Variants in SSX2IP observed in about 807,000 individuals in gnomAD.
SSX2IP encodes the protein SSX family member 2 interacting protein.
In SSX2IP, 55 loss-of-function variants were observed where a neutral mutation model predicts 84.9. The observed-to-expected ratio is 0.65, with a 90% CI of 0.52 to 0.81. The LOEUF (loss-of-function observed/expected upper bound fraction) is 0.81. Ranked by LOEUF, SSX2IP falls within the 30% of genes least tolerant of loss-of-function variation. SSX2IP has a pLI of 0.00. For missense variants in SSX2IP, 664 were observed against 705.2 expected, an observed-to-expected ratio of 0.94 and a Z score of 0.66; for synonymous variants, 239 against 234.7, an observed-to-expected ratio of 1.02 and a Z score of -0.17.
chr1:84,676,317 T>G (rs775719747), intron 1 of SSX2IP, among the ~76,000 whole-genome samples: 1 of 152,202 alleles, frequency 6.6e-6, no homozygotes, highest in Non-Finnish European at 1.5e-5. Context: ...ATAAACTTCC[T>G]TGTTCAAAGT....
Position 84,656,554 on chromosome 1 carries a change from CT to C in SSX2IP, c.1079-71del, listed in dbSNP as rs1215624825. 2.2e-6 allele frequency: 3 copies of C among 1,347,754 alleles called. No homozygotes were observed. The African/African-American group carries it at 4.5e-5, about 20-fold the overall frequency. 83.5% of individuals were successfully genotyped at this position (1,347,754 alleles called of 1,614,324 possible). ...TTAGTTTACAGTGTTTTGCACATAT[CT>C]TTAAAACAAGGGCTCTCAGAACTTT... On this transcript the variant is annotated intron_variant, in intron 9 of 13. Transcript: ENST00000342203.
rs1460990002 is a variant in SSX2IP, at chr1:84,646,618, C to T, written c.*815G>A. On this transcript the variant is annotated 3_prime_UTR_variant, in exon 14 of 14. Transcript: ENST00000342203. ...ATTCAAAGGTACTTTTGTCGTCTTG[C>T]CCCTATTCTTCTATCATCAATAGTC... The T allele has an allele frequency of 6.6e-6, 1 of 152,406 alleles. No homozygotes were observed. Among genetic ancestry groups the T allele is most frequent in the Non-Finnish European group, 1.5e-5 (1 of 67,940 alleles). 9.4% of individuals were successfully genotyped at this position (152,406 alleles called of 1,614,324 possible). A position where few individuals can be genotyped will look rare whatever the true frequency, so the allele number is the denominator to read the frequency against.
At chr1:84,663,661 C>T (rs1652359228) in intron 6 of SSX2IP, among the ~76,000 whole-genome samples, 2 of 152,164 alleles carry the variant, frequency 1.3e-5, no homozygotes, top group African/African-American at 4.8e-5. Context: ...CGCTCATCGC[C>T]TGTTTTTCAA....
chr1:84,657,013 C>T (rs1433187559), intron 9 of SSX2IP, among the ~76,000 whole-genome samples: 3 of 152,108 alleles, frequency 2.0e-5, no homozygotes, highest in African/African-American at 7.2e-5. Flanking sequence ...TGAACAAAAT[C>T]TCATGTAGAT....
chr1:84,682,296 G>C (rs761234241), intron 1 of SSX2IP, among the ~76,000 whole-genome samples: 3 of 152,158 alleles, frequency 2.0e-5, no homozygotes, highest in Non-Finnish European at 4.4e-5. Context: ...GGACTGAGTA[G>C]CATCAGAGGC....
intron 6 of SSX2IP, 83 bp from the exon 7 acceptor site, chr1:84,662,613 G>A (rs1652191416): frequency 4.1e-6 from 6 of 1,465,550 alleles, no homozygotes; most frequent in Admixed American, 2.0e-5. Flanking sequence ...ACACGTAAGT[G>A]GTGAAAGTGA....
At chr1:84,656,566 G>A (rs1004736228) in intron 9 of SSX2IP, 82 bp from the exon 10 acceptor site, 10 of 1,248,014 alleles carry the variant, frequency 8.0e-6, no homozygotes, top group Non-Finnish European at 8.4e-6. Context: ...TTAAAACAAG[G>A]GCTCTCAGAA....
chr1:84,655,608 C>T, intron 11 of SSX2IP: 1 of 1,487,054 alleles, frequency 6.7e-7, no homozygotes, highest in Non-Finnish European at 8.9e-7. Flanking sequence ...GTAATAAATG[C>T]TTATAGCGTT....
rs1483195412 is a variant in SSX2IP at position 84,644,950 on chromosome 1, C to G, written c.*2483G>C. The G allele has an allele frequency of 6.6e-6, 1 of 152,176 alleles. No individual in the cohort carries two copies. The highest frequency in any genetic ancestry group is 6.5e-5 in the Admixed American group (1 of 15,270). The allele number at this position is 152,176 out of a possible 1,614,324, so 9.4% of individuals were successfully genotyped here. A position where few individuals can be genotyped will look rare whatever the true frequency, so the allele number is the denominator to read the frequency against. On this transcript the variant is annotated 3_prime_UTR_variant, in exon 14 of 14. Transcript: ENST00000342203. ...TAGTCATAATTTCATTGTTTCTCATCATAGACTGCAGATGCAAACATTTAA... is the reference window on the plus strand; with the variant it reads ...TAGTCATAATTTCATTGTTTCTCATGATAGACTGCAGATGCAAACATTTAA...
intron 1 of SSX2IP, among the ~76,000 whole-genome samples, chr1:84,689,080 G>C (rs1259576741): frequency 2.0e-5 from 3 of 152,192 alleles, no homozygotes; most frequent in African/African-American, 7.2e-5. Flanking sequence ...AGCTTCCTAA[G>C]CCTGTAGGTT....
Position 84,658,313 on chromosome 1 carries a change from G to A in SSX2IP, c.1078+5C>T. 6.2e-7 allele frequency: 1 copy of A among 1,613,946 alleles called. No individual in the cohort carries two copies. The highest frequency in any genetic ancestry group is 8.5e-7 in the Non-Finnish European group (1 of 1,179,936). On this transcript the variant is annotated splice_donor_5th_base_variant and intron_variant, in intron 9 of 13. Coordinates refer to ENST00000342203, the MANE Select transcript of SSX2IP (RefSeq NM_001166293.2). Reference sequence around the variant, plus strand: ...TCACTTTACATGCATAGAAGCAGTGGTTACCTTGGTTATCAAGCTTTTCTA... The same window carrying A: ...TCACTTTACATGCATAGAAGCAGTGATTACCTTGGTTATCAAGCTTTTCTA...
intron 1 of SSX2IP, among the ~76,000 whole-genome samples, chr1:84,688,469 A>C (rs1048589545): frequency 2.0e-5 from 3 of 152,220 alleles, no homozygotes; most frequent in Non-Finnish European, 4.4e-5. Flanking sequence ...TTAAAATCAC[A>C]CAATTTGGGG....
chr1:84,662,582 T>C (rs752395053), intron 6 of SSX2IP, 52 bp from the exon 7 acceptor site: 4 of 1,584,838 alleles, frequency 2.5e-6, no homozygotes, highest in Non-Finnish European at 2.6e-6. Context: ...CTTAAGCATC[T>C]AAAACTCTAA....
At chr1:84,686,256 T>A (rs1056261483) in intron 1 of SSX2IP, among the ~76,000 whole-genome samples, 3 of 152,224 alleles carry the variant, frequency 2.0e-5, no homozygotes, top group African/African-American at 7.2e-5. Flanking sequence ...ACAGATATTA[T>A]AGTAAACTGG....
In SSX2IP at chr1:84,651,993, T is replaced by A. The variant is rs1650325313; in HGVS notation, c.1394A>T (p.Lys465Met). Residue 465 changes from lysine to methionine, a missense_variant, in exon 12 of 14, where the codon AAG (lysine) becomes ATG (methionine). Lys to Met is a moderately conservative substitution (Grantham distance 95, BLOSUM62 -1). Coordinates refer to ENST00000342203, the MANE Select transcript of SSX2IP (RefSeq NM_001166293.2). ...EAAIRLGLER[K>M]AFEEERASWL... is the part of the protein sequence containing the mutation. ...ACTGGCTCTTTCTTCTTCAAATGCC[T>A]TTCTCTACCATAAACAGCCAAAGAA... The A allele has an allele frequency of 6.2e-7, 1 of 1,610,434 alleles. No homozygotes were observed. Among genetic ancestry groups the A allele is most frequent in the Non-Finnish European group, 8.5e-7 (1 of 1,176,778 alleles).
chr1:84,678,949 G>T (rs1654724526), intron 1 of SSX2IP, among the ~76,000 whole-genome samples: 1 of 152,124 alleles, frequency 6.6e-6, no homozygotes, highest in African/African-American at 2.4e-5. Context: ...AGAGGGACAT[G>T]GTAACTTTAC....
intron 4 of SSX2IP, among the ~76,000 whole-genome samples, chr1:84,667,859 C>T (rs1175033733): frequency 1.3e-5 from 2 of 152,106 alleles, no homozygotes; most frequent in Non-Finnish European, 2.9e-5. Context: ...TGCGTCCTAC[C>T]CCAAGAACAA....
rs567456088 is a variant in SSX2IP at position 84,645,150 on chromosome 1, T to A, written c.*2283A>T. On this transcript the variant is annotated 3_prime_UTR_variant, in exon 14 of 14. Coordinates refer to ENST00000342203, the MANE Select transcript of SSX2IP (RefSeq NM_001166293.2). Reference sequence around the variant, plus strand: ...TACACTCTAGAACCATCATCTATCATGGCTAAATGTGAGATTAGCACAGCT... The same window carrying A: ...TACACTCTAGAACCATCATCTATCAAGGCTAAATGTGAGATTAGCACAGCT... The A allele has an allele frequency of 2.6e-5, 4 of 152,330 alleles. No individual in the cohort carries two copies. Among genetic ancestry groups the A allele is most frequent in the African/African-American group, 9.6e-5 (4 of 41,580 alleles). 9.4% of individuals were successfully genotyped at this position (152,330 alleles called of 1,614,324 possible).
intron 8 of SSX2IP, among the ~76,000 whole-genome samples, chr1:84,661,060 C>CGAG (rs1367906713): frequency 8.8e-6 from 1 of 114,002 alleles, no homozygotes; most frequent in Admixed American, 9.1e-5. Context: ...AGCAAGACTC[C>CGAG]GTCTCTTAAA....
Sources: gnomAD v4.1 joint callset for allele counts (sites outside exome capture counted in the v4.1 genomes callset) on GRCh38, gnomAD v4.1.1 for gene constraint, MANE v1.5 for transcripts, NCBI Gene and HGNC (gene_info 2026-07-23, HGNC 2026-07-21) for gene names.